The following CUX2 variants were observed in gnomAD, a reference collection of about 807,000 sequenced individuals.
CUX2 encodes the protein homeobox protein cut-like 2.
Under a neutral mutation model 144.8 loss-of-function variants are expected in CUX2, and 40 were observed. The observed-to-expected ratio is 0.28, with a 90% CI of 0.21 to 0.36. The LOEUF is 0.36. Ranked by LOEUF, CUX2 falls within the 10% of genes least tolerant of loss-of-function variation. CUX2 has a pLI of 1.00. For missense variants in CUX2, 1,615 were observed against 1,994.0 expected (o/e 0.81, Z 3.62); for synonymous variants, 827 against 875.6 (o/e 0.94, Z 0.98).
rs1162895549 is a variant in CUX2, at chr12:111,148,122, T to C, written c.64-66078T>C. Among the ~76,000 whole-genome samples the C allele has an allele frequency of 1.3e-5, 2 of 152,208 alleles. 1 individual carries two copies. The highest frequency in any genetic ancestry group is 1.3e-4 in the Admixed American group (2 of 15,272). ...TTTCACAAGAGCCAAAGGGTGTAAG[T>C]AACCCAGGTTGCCATCGGTGGGTAA... On this transcript the variant is annotated intron_variant, in intron 1 of 21. Coordinates refer to ENST00000261726, the MANE Select transcript of CUX2 (RefSeq NM_015267.4).
intron 1 of CUX2, among the ~76,000 whole-genome samples, chr12:111,109,897 A>C (rs1013281188): frequency 6.6e-6 from 1 of 152,102 alleles, no homozygotes; most frequent in African/African-American, 2.4e-5. Flanking sequence ...TTGGTTTGAG[A>C]TAGGATCTCA....
At chr12:111,225,208 A>T (rs1208757299) in intron 3 of CUX2, among the ~76,000 whole-genome samples, 2 of 152,170 alleles carry the variant, frequency 1.3e-5, no homozygotes, top group African/African-American at 4.8e-5. Flanking sequence ...AAGCCCCAAG[A>T]ACAAAGCCCA....
At chr12:111,173,049 T>G (rs1285989755) in intron 1 of CUX2, among the ~76,000 whole-genome samples, 1 of 152,206 alleles carries the variant, frequency 6.6e-6, no homozygotes, top group Non-Finnish European at 1.5e-5. Flanking sequence ...TGGGCAGACT[T>G]CTTGCCTGCA....
intron 1 of CUX2, among the ~76,000 whole-genome samples, chr12:111,212,683 T>C (rs1324725630): frequency 1.3e-5 from 2 of 152,206 alleles, no homozygotes; most frequent in Non-Finnish European, 2.9e-5. Context: ...GCCTCTACCT[T>C]CTCCCTTCTA....
intron 3 of CUX2, among the ~76,000 whole-genome samples, chr12:111,233,710 G>A (rs752719721): frequency 4.6e-5 from 7 of 152,136 alleles, no homozygotes; most frequent in Non-Finnish European, 8.8e-5. Context: ...TGAGAACATT[G>A]TGTTTCTTTT....
At chr12:111,080,575 A>G (rs1350903566) in intron 1 of CUX2, among the ~76,000 whole-genome samples, 1 of 151,470 alleles carries the variant, frequency 6.6e-6, no homozygotes, top group Non-Finnish European at 1.5e-5. Context: ...GCTACTCAAG[A>G]GACTGAGGCA....
Position 111,320,517 on chromosome 12 carries a change from C to A in CUX2, c.2508C>A (p.Asp836Glu), listed in dbSNP as rs752296936. Residue 836 changes from aspartate (D) to glutamate (E), a missense_variant, in exon 17 of 22, where the codon GAC (aspartate) becomes GAA (glutamate). Physicochemically the swap from Asp to Glu is conservative, Grantham distance 45. Around this residue, in one of 12 missense-constraint regions of CUX2, gnomAD observed 390 missense variants for 387.1 expected, o/e 1.01. Coordinates refer to ENST00000261726, the MANE Select transcript of CUX2 (RefSeq NM_015267.4). The surrounding 1 kb of genome is among the most constrained non-coding windows in gnomAD (Gnocchi z 8.1). ...ACGAGGCCCCTGTGCCCCCCGAGGA[C>A]GAGGCGGCGGCAGGGGCGGAGGACG... ...RGDEAPVPPE[D>E]EAAAGAEDEP... 18 of 1,571,154 alleles carry A rather than the reference C, an allele frequency of 1.1e-5. No homozygotes were observed. In the East Asian group the frequency reaches 3.2e-4, roughly 28 times the overall value.
intron 18 of CUX2, among the ~76,000 whole-genome samples, chr12:111,330,737 A>ATATG (rs1297672137): frequency 1.2e-5 from 1 of 85,660 alleles, no homozygotes; most frequent in Non-Finnish European, 2.4e-5. Context: ...ATATATATAT[A>ATATG]TATATATATA....
At chr12:111,308,175 G>C in intron 12 of CUX2, 110 bp from the exon 13 acceptor site, 1 of 1,177,622 alleles carries the variant, frequency 8.5e-7, no homozygotes, top group Non-Finnish European at 1.2e-6. Flanking sequence ...GGGTTCTGGG[G>C]AATGGAGCAG....
At position 111,293,139 on chromosome 12, in the gene CUX2, T is replaced by A. The variant is rs994617159; in HGVS notation, c.437-307T>A. Among the ~76,000 whole-genome samples the A allele has an allele frequency of 1.3e-4, 19 of 148,348 alleles. No homozygotes were observed. The East Asian group carries it at 3.6e-3, about 28-fold the overall frequency. On this transcript the variant is annotated intron_variant, in intron 5 of 21. Coordinates refer to ENST00000261726, the MANE Select transcript of CUX2 (RefSeq NM_015267.4). This position sits in a 1 kb window ranked among gnomAD's most constrained non-coding sequence, Gnocchi z 4.5. ...CCAAGACTCCGTCTCAAAAAAAAAA[T>A]AAAAAATAAAAAAAGGTGAATTTTA...
intron 3 of CUX2, among the ~76,000 whole-genome samples, chr12:111,220,707 G>C (rs1336537363): frequency 8.7e-6 from 1 of 115,110 alleles, no homozygotes; most frequent in African/African-American, 3.3e-5. Flanking sequence ...AGGAGTTTGA[G>C]ACCAGCCTGG....
At chr12:111,121,513 A>T (rs1364173192) in intron 1 of CUX2, among the ~76,000 whole-genome samples, 1 of 150,528 alleles carries the variant, frequency 6.6e-6, no homozygotes, top group Non-Finnish European at 1.5e-5. Context: ...AGTAGCTGGG[A>T]CTACAGGTTT....
At chr12:111,085,827 G>C (rs1307163645) in intron 1 of CUX2, among the ~76,000 whole-genome samples, 2 of 152,218 alleles carry the variant, frequency 1.3e-5, no homozygotes, top group African/African-American at 4.8e-5. Flanking sequence ...AGTTCAGAAA[G>C]ATCTCGTCCC....
intron 9 of CUX2, among the ~76,000 whole-genome samples, chr12:111,303,054 C>T (rs777196544): frequency 6.7e-6 from 1 of 149,512 alleles, no homozygotes; most frequent in Non-Finnish European, 1.5e-5. Context: ...AAACCCGTCT[C>T]TATTAAAACT....
chr12:111,198,711 C>T (rs1308575409), intron 1 of CUX2, among the ~76,000 whole-genome samples: 1 of 152,266 alleles, frequency 6.6e-6, no homozygotes, highest in East Asian at 1.9e-4. Context: ...GTGGGGCCAG[C>T]GAGGGCCCTG....
chr12:111,041,610 G>A (rs1869744865), intron 1 of CUX2, among the ~76,000 whole-genome samples: 2 of 152,210 alleles, frequency 1.3e-5, no homozygotes, highest in Non-Finnish European at 2.9e-5. Context: ...ATTTACCTAA[G>A]AAATCTAGGT....
At chr12:111,204,974 C>A (rs1381684699) in intron 1 of CUX2, among the ~76,000 whole-genome samples, 1 of 152,212 alleles carries the variant, frequency 6.6e-6, no homozygotes, top group Non-Finnish European at 1.5e-5. Flanking sequence ...TGGCTGGGAA[C>A]TGTTTCTCAT....
chr12:111,134,699 C>T (rs1478434229), intron 1 of CUX2, among the ~76,000 whole-genome samples: 1 of 151,204 alleles, frequency 6.6e-6, no homozygotes, highest in African/African-American at 2.4e-5. Context: ...GCAATGTAAG[C>T]TGATATAGGT....
chr12:111,264,767 C>G (rs1022868277), intron 4 of CUX2, among the ~76,000 whole-genome samples: 2 of 152,060 alleles, frequency 1.3e-5, no homozygotes, highest in African/African-American at 4.8e-5. Context: ...AGGAATGGAG[C>G]TGTGATATGT....
Sources: allele counts gnomAD v4.1 joint callset (sites outside exome capture counted in the v4.1 genomes callset), GRCh38; gene constraint gnomAD v4.1.1; regional missense constraint gnomAD v4.1.1; non-coding constraint Gnocchi (gnomAD v3.1); transcripts MANE v1.5; gene names NCBI Gene and HGNC (gene_info 2026-07-23, HGNC 2026-07-21).